Variants in TNRC18 observed in about 807,000 individuals in gnomAD.
TNRC18 encodes trinucleotide repeat containing 18.
Under a neutral mutation model 226.7 loss-of-function variants are expected in TNRC18, and 69 were observed. That is an observed-to-expected ratio of 0.30 (90% CI 0.25 to 0.37). The LOEUF (loss-of-function observed/expected upper bound fraction) is 0.37. TNRC18 is among the 10% of genes least tolerant of loss of function. The probability of loss-of-function intolerance (pLI) is 1.00; values close to 1 mark genes in which losing one functional copy is unlikely to be tolerated. For missense variants in TNRC18, 4,754 were observed against 4,256.6 expected (o/e 1.12, Z -3.25); for synonymous variants, 2,449 against 1,927.6 (o/e 1.27, Z -7.09).
intron 19 of TNRC18, among the ~76,000 whole-genome samples, chr7:5,325,962 G>A (rs992298933): frequency 1.3e-5 from 2 of 150,864 alleles, no homozygotes. Context: ...TCAAACTCCT[G>A]GTCTCAAGCA....
chr7:5,417,690 G>C (rs987664512), intron 2 of TNRC18, among the ~76,000 whole-genome samples: 1 of 152,122 alleles, frequency 6.6e-6, no homozygotes, highest in Non-Finnish European at 1.5e-5. Flanking sequence ...GAAAGCGCTG[G>C]GGTTGGGAGC....
At chr7:5,349,367 G>T (rs762585955) in intron 17 of TNRC18, among the ~76,000 whole-genome samples, 4 of 152,106 alleles carry the variant, frequency 2.6e-5, no homozygotes, top group African/African-American at 4.8e-5. Flanking sequence ...GGACAGGGAG[G>T]GGGGAAAAAA....
In TNRC18 at chr7:5,313,345, G is replaced by A. The variant is rs759599919; in HGVS notation, c.7546C>T (p.Pro2516Ser). ...TCCCCGTCGGTGGCCTTGGGCCAGG[G>A]TGCCTTGGGCTCGCTGCTGCCGGCC... ...PAAGSSEPKA[P>S]WPKATDGDLA... is the part of the protein sequence containing the mutation. The change falls in exon 27 of 30, where the codon CCC becomes TCC. Residue 2516 changes from proline to serine, a missense_variant. By Grantham distance (74) the Pro-to-Ser change is moderately conservative. Coordinates refer to ENST00000430969, the MANE Select transcript of TNRC18 (RefSeq NM_001080495.3). 3 of 1,559,304 alleles carry A rather than the reference G, an allele frequency of 1.9e-6. No homozygotes were observed. Among genetic ancestry groups the A allele is most frequent in the African/African-American group, 1.4e-5 (1 of 73,478 alleles).
intron 2 of TNRC18, among the ~76,000 whole-genome samples, chr7:5,406,838 G>A (rs1284023983): frequency 3.4e-5 from 5 of 146,010 alleles, no homozygotes; most frequent in Non-Finnish European, 5.9e-5. Context: ...GCGACAGAGC[G>A]AGACTCTGTC....
At chr7:5,323,991 C>T (rs1788639555) in intron 21 of TNRC18, among the ~76,000 whole-genome samples, 3 of 152,238 alleles carry the variant, frequency 2.0e-5, no homozygotes, top group African/African-American at 7.2e-5. Context: ...CCTGCCTCCT[C>T]CCTGGTCCCA....
intron 15 of TNRC18, among the ~76,000 whole-genome samples, chr7:5,357,755 T>C (rs1792599723): frequency 1.3e-5 from 2 of 152,168 alleles, no homozygotes; most frequent in African/African-American, 4.8e-5. Context: ...TCCCAAACTG[T>C]TGGGATTCCA....
chr7:5,345,197 C>T (rs1467188986), intron 18 of TNRC18, among the ~76,000 whole-genome samples: 1 of 152,228 alleles, frequency 6.6e-6, no homozygotes, highest in African/African-American at 2.4e-5. Flanking sequence ...CCACGTCTCT[C>T]TCACGGGCCA....
intron 5 of TNRC18, 77 bp from the exon 6 acceptor site, chr7:5,378,101 C>A: frequency 1.6e-6 from 2 of 1,246,494 alleles, no homozygotes; most frequent in Non-Finnish European, 1.1e-6. Context: ...ACTGCCCTCA[C>A]CCCTCCCTGG....
At chr7:5,365,944 G>A (rs999760208) in intron 11 of TNRC18, among the ~76,000 whole-genome samples, 2 of 152,136 alleles carry the variant, frequency 1.3e-5, no homozygotes, top group African/African-American at 4.8e-5. Flanking sequence ...GGTGGCGCAT[G>A]CCTATAATGC....
At chr7:5,383,316 G>C (rs145190735) in intron 5 of TNRC18, among the ~76,000 whole-genome samples, 1 of 152,176 alleles carries the variant, frequency 6.6e-6, no homozygotes, top group Non-Finnish European at 1.5e-5. Context: ...GGCCCCCTGA[G>C]GCCAGACCTA....
chr7:5,324,653 T>G lies in TNRC18; in HGVS notation c.6301-298A>C, dbSNP rs921509644. On this transcript the variant is annotated intron_variant, in intron 20 of 29. Coordinates refer to ENST00000430969, the MANE Select transcript of TNRC18 (RefSeq NM_001080495.3). The surrounding 1 kb of genome is among the most constrained non-coding windows in gnomAD (Gnocchi z 4.8). ...TCAGTCCATCACTATGGCAGGTGCC[T>G]CCGTTCCCTTCTTAGAGAAACTTCA... Among the ~76,000 whole-genome samples the G allele has an allele frequency of 2.6e-5, 4 of 152,234 alleles. No homozygotes were observed. Among genetic ancestry groups the G allele is most frequent in the South Asian group, 2.1e-4 (1 of 4,834 alleles).
At chr7:5,402,853 CA>C (rs879577344) in intron 2 of TNRC18, among the ~76,000 whole-genome samples, 8 of 131,216 alleles carry the variant, frequency 6.1e-5, no homozygotes, top group African/African-American at 2.9e-4. Context: ...GACTCTGTCT[CA>C]AAAAAAAAAA....
At chr7:5,365,852 C>T (rs1241469888) in intron 11 of TNRC18, among the ~76,000 whole-genome samples, 1 of 151,936 alleles carries the variant, frequency 6.6e-6, no homozygotes, top group Non-Finnish European at 1.5e-5. Flanking sequence ...GGCGGATCAC[C>T]TGAGGTCAGG....
At chr7:5,314,388 G>A (rs1014527433) in intron 26 of TNRC18, among the ~76,000 whole-genome samples, 11 of 151,990 alleles carry the variant, frequency 7.2e-5, no homozygotes, top group Non-Finnish European at 1.6e-4. Flanking sequence ...GCCCCAAAGC[G>A]GGTCCTCCTC....
At position 5,421,405 on chromosome 7, in the gene TNRC18, C is replaced by G. The variant is rs1489604538; in HGVS notation, c.-159G>C. On this transcript the variant is annotated 5_prime_UTR_variant, in exon 2 of 30. Transcript: ENST00000430969. ...AGCGGGGCTTGCGCTCGGCGGCGGG[C>G]CCGCGGCCCGGGGCGCACAGGCGGC... 2 of 558,122 alleles carry G rather than the reference C, an allele frequency of 3.6e-6. No individual in the cohort carries two copies. Among genetic ancestry groups the G allele is most frequent in the Non-Finnish European group, 4.6e-6 (2 of 431,272 alleles). The allele number at this position is 558,122 out of a possible 1,614,324, so 34.6% of individuals were successfully genotyped here. A position where few individuals can be genotyped will look rare whatever the true frequency, so the allele number is the denominator to read the frequency against.
intron 26 of TNRC18, 127 bp downstream of exon 26, chr7:5,314,857 G>A (rs1245289405): frequency 9.5e-5 from 99 of 1,046,366 alleles, no homozygotes; most frequent in Non-Finnish European, 3.2e-5. Flanking sequence ...ACAGGTGTGA[G>A]GCACTGCACC....
chr7:5,314,444 A>G (rs1160764099), intron 26 of TNRC18, among the ~76,000 whole-genome samples: 1 of 152,114 alleles, frequency 6.6e-6, no homozygotes, highest in East Asian at 1.9e-4. Flanking sequence ...CTGGAAAGAA[A>G]CACAGGCCAG....
At chr7:5,320,288 C>T in intron 24 of TNRC18, 30 bp downstream of exon 24, 1 of 1,514,294 alleles carries the variant, frequency 6.6e-7, no homozygotes, top group Non-Finnish European at 9.0e-7. Context: ...TGTTAGGCGG[C>T]AGGGGAGAGC....
chr7:5,335,301 CAAAAAAA>C (rs1167746227), intron 18 of TNRC18, among the ~76,000 whole-genome samples: 20 of 58,536 alleles, frequency 3.4e-4, no homozygotes, highest in African/African-American at 5.5e-4. Flanking sequence ...GAATCTGTCT[CAAAAAAA>C]AAAAAAAAAA....
Sources: allele counts gnomAD v4.1 joint callset (sites outside exome capture counted in the v4.1 genomes callset), GRCh38; gene constraint gnomAD v4.1.1; non-coding constraint Gnocchi (gnomAD v3.1); transcripts MANE v1.5; gene names NCBI Gene and HGNC (gene_info 2026-07-23, HGNC 2026-07-21).